The following EFHC2 variants were observed in gnomAD, a reference collection of about 807,000 sequenced individuals.
EFHC2 encodes EF-hand domain containing 2, also known as EF-hand domain-containing family member C2.
A neutral mutation model predicts 52.7 loss-of-function variants in EFHC2; 18 were observed. That is an observed-to-expected ratio of 0.34 (90% CI 0.24 to 0.51). EFHC2 has a LOEUF of 0.51. Ranked by LOEUF, EFHC2 falls within the 20% of genes least tolerant of loss-of-function variation. EFHC2 has a pLI of 0.97. For missense variants in EFHC2, 513 were observed against 562.5 expected, an observed-to-expected ratio of 0.91 and a Z score of 0.89; for synonymous variants, 203 against 204.1, an observed-to-expected ratio of 0.99 and a Z score of 0.04.
At chrX:44,152,300 T>C (rs1270561291) in intron 14 of EFHC2, among the ~76,000 whole-genome samples, 2 of 111,451 alleles carry the variant, frequency 1.8e-5, no homozygotes, top group Non-Finnish European at 1.9e-5. Flanking sequence ...AAGGATTAAA[T>C]AGATTGTCTC....
chrX:44,241,568 G>A (rs1174054823), intron 8 of EFHC2, among the ~76,000 whole-genome samples: 1 of 112,144 alleles, frequency 8.9e-6, no homozygotes. Context: ...AGATAAGAAT[G>A]GTTTTTACAT....
chrX:44,342,928 A>G (rs763466397), intron 1 of EFHC2, among the ~76,000 whole-genome samples: 1 of 109,826 alleles, frequency 9.1e-6, no homozygotes, highest in South Asian at 3.9e-4. Context: ...GAAAAAAAAA[A>G]TCCCTCCAAG....
intron 7 of EFHC2, among the ~76,000 whole-genome samples, chrX:44,246,073 T>C (rs1323749291): frequency 8.9e-6 from 1 of 112,182 alleles, no homozygotes; most frequent in Non-Finnish European, 1.9e-5. Context: ...TTGATGGGAC[T>C]TTGTCCTGGT....
Position 44,312,588 on chromosome X carries a change from A to C in EFHC2, c.211T>G (p.Trp71Gly), listed in dbSNP as rs2037954641. 4.2e-6 allele frequency: 5 copies of C among 1,203,785 alleles called. No homozygotes were observed. The highest frequency in any genetic ancestry group is 3.5e-5 in the African/African-American group (2 of 57,513). Reference sequence around the variant, plus strand: ...CTTACCTGTTTATCAAAGGCTACCCATGATGGTACATCACTTCCATCTCCT... The same window carrying C: ...CTTACCTGTTTATCAAAGGCTACCCCTGATGGTACATCACTTCCATCTCCT... ...PKGDGSDVPSWVAFDKQVLSF... is the reference protein window; with the variant it reads ...PKGDGSDVPSGVAFDKQVLSF... Residue 71 changes from tryptophan to glycine, a missense_variant, in exon 2 of 15, where the codon TGG becomes GGG. Physicochemically the swap from Trp to Gly is radical, Grantham distance 184 (BLOSUM62 -2). Coordinates refer to ENST00000420999, the MANE Select transcript of EFHC2 (RefSeq NM_025184.4).
At chrX:44,316,217 C>T in intron 1 of EFHC2, among the ~76,000 whole-genome samples, 1 of 112,080 alleles carries the variant, frequency 8.9e-6, no homozygotes, top group Admixed American at 9.5e-5. Context: ...TTATAAGGTA[C>T]CTTAATGTCT....
intron 7 of EFHC2, among the ~76,000 whole-genome samples, chrX:44,244,184 C>T (rs2037382102): frequency 8.9e-6 from 1 of 112,116 alleles, no homozygotes; most frequent in Non-Finnish European, 1.9e-5. Flanking sequence ...CAATTTAGAG[C>T]TTTCCTCTGC....
chrX:44,290,928 C>T (rs1453723545), intron 2 of EFHC2, among the ~76,000 whole-genome samples: 1 of 111,164 alleles, frequency 9.0e-6, no homozygotes, highest in East Asian at 2.8e-4. Flanking sequence ...GTGGAAACCC[C>T]TACAGGTTGT....
intron 13 of EFHC2, among the ~76,000 whole-genome samples, chrX:44,175,716 G>A (rs1424668509): frequency 8.9e-6 from 1 of 111,770 alleles, no homozygotes; most frequent in East Asian, 2.8e-4. Context: ...CAGAGGAGGA[G>A]CTAGAGTGAG....
chrX:44,156,503 A>G (rs916440643), intron 14 of EFHC2, among the ~76,000 whole-genome samples: 7 of 111,759 alleles, frequency 6.3e-5, no homozygotes, highest in African/African-American at 2.3e-4. Flanking sequence ...TGCTCTAAAT[A>G]CCAAAAGGAG....
intron 11 of EFHC2, among the ~76,000 whole-genome samples, chrX:44,205,380 G>A (rs1051391182): frequency 3.6e-4 from 39 of 106,874 alleles, no homozygotes; most frequent in Admixed American, 1.0e-3. Flanking sequence ...TGGCCTTAAC[G>A]CTCCATATAG....
At position 44,225,181 on chromosome X, in the gene EFHC2, G is replaced by A. The variant is rs774516055; in HGVS notation, c.1751+4468C>T. Among the ~76,000 whole-genome samples, 6 of 108,115 alleles carry A rather than the reference G, an allele frequency of 5.5e-5. 1 individual carries two copies. In the South Asian group the frequency reaches 2.5e-3, roughly 45 times the overall value. The allele number at this position is 108,115 out of a possible 115,157, so 93.9% of individuals were successfully genotyped here. On this transcript the variant is annotated intron_variant, in intron 11 of 14. Transcript: ENST00000420999. ...CAAAAAGATTCTAAAGAGGATCAAT[G>A]AAACAGAAGCAGAAGTGGTGAATTC...
chrX:44,310,355 C>T (rs2037938750), intron 2 of EFHC2: 1 of 890,919 alleles, frequency 1.1e-6, no homozygotes, highest in Admixed American at 2.6e-5. Flanking sequence ...GGCCAGAACC[C>T]GGGTCCCGCT....
intron 11 of EFHC2, among the ~76,000 whole-genome samples, chrX:44,226,310 C>T (rs763685016): frequency 1.8e-5 from 2 of 111,155 alleles, no homozygotes; most frequent in Non-Finnish European, 3.8e-5. Flanking sequence ...GAACTACAAC[C>T]GTGAAGCTGC....
At chrX:44,182,339 T>C (rs1330185902) in intron 11 of EFHC2, among the ~76,000 whole-genome samples, 2 of 112,578 alleles carry the variant, frequency 1.8e-5, no homozygotes, top group East Asian at 2.8e-4. Flanking sequence ...TATCCACTCA[T>C]ACATACATGG....
intron 1 of EFHC2, among the ~76,000 whole-genome samples, chrX:44,328,240 A>G (rs950575997): frequency 8.9e-6 from 1 of 111,828 alleles, no homozygotes; most frequent in Non-Finnish European, 1.9e-5. Flanking sequence ...TTGGAATTCT[A>G]TGAAGGATTT....
chrX:44,195,796 CCTTT>C (rs200599850), intron 11 of EFHC2, among the ~76,000 whole-genome samples: 24,012 of 111,255 alleles, frequency 0.22, 1,957 homozygotes, highest in Middle Eastern at 0.27. Flanking sequence ...ACCAGAGAGT[CCTTT>C]CTGTGAGTGG....
intron 1 of EFHC2, among the ~76,000 whole-genome samples, chrX:44,317,173 G>A (rs139209678): frequency 1.1e-4 from 12 of 111,792 alleles, no homozygotes; most frequent in African/African-American, 3.6e-4. Flanking sequence ...GAATGAGTAG[G>A]GAGGAGGAGG....
chrX:44,217,760 AGAAT>A (rs1355338563), intron 11 of EFHC2, among the ~76,000 whole-genome samples: 1 of 111,196 alleles, frequency 9.0e-6, no homozygotes, highest in African/African-American at 3.3e-5. Flanking sequence ...AAAAAAAAAT[AGAAT>A]GAATGATAGT....
At chrX:44,226,748 G>A (rs1216417394) in intron 11 of EFHC2, among the ~76,000 whole-genome samples, 1 of 109,261 alleles carries the variant, frequency 9.2e-6, no homozygotes, top group Non-Finnish European at 1.9e-5. Flanking sequence ...CTGTCGGGGG[G>A]TCGGGACCTA....
Sources: gnomAD v4.1 joint callset for allele counts (sites outside exome capture counted in the v4.1 genomes callset) on GRCh38, gnomAD v4.1.1 for gene constraint, MANE v1.5 for transcripts, NCBI Gene and HGNC (gene_info 2026-07-23, HGNC 2026-07-21) for gene names.